Variants in WDR1 observed in about 807,000 individuals in gnomAD.
WDR1 encodes WD repeat-containing protein 1.
Under a neutral mutation model 71.9 loss-of-function variants are expected in WDR1, and 21 were observed. That is an observed-to-expected ratio of 0.29 (90% CI 0.21 to 0.42). WDR1 has a LOEUF of 0.42. Among genes scored for constraint, WDR1 ranks in the 10% least tolerant of loss-of-function variants. The pLI is 1.00. For missense variants in WDR1, 696 were observed against 824.5 expected, an observed-to-expected ratio of 0.84 and a Z score of 1.91; for synonymous variants, 424 against 347.4, an observed-to-expected ratio of 1.22 and a Z score of -2.45.
intron 2 of WDR1, among the ~76,000 whole-genome samples, chr4:10,109,461 G>A (rs1218991500): frequency 6.6e-6 from 1 of 152,180 alleles, no homozygotes; most frequent in East Asian, 1.9e-4. Context: ...AGAGAATAAA[G>A]TCTGCACTGG....
intron 5 of WDR1, chr4:10,093,130 C>G (rs1188731969): frequency 7.8e-7 from 1 of 1,289,346 alleles, no homozygotes. Context: ...GCGCTGCAGG[C>G]CCCAGCTGGC....
At chr4:10,102,399 GA>G (rs931486816) in intron 3 of WDR1, among the ~76,000 whole-genome samples, 3 of 152,234 alleles carry the variant, frequency 2.0e-5, no homozygotes, top group African/African-American at 7.2e-5. Context: ...ATGGAGAGGT[GA>G]TTAGGCCAGG....
At chr4:10,115,882 G>C in intron 2 of WDR1, 1 of 560,334 alleles carries the variant, frequency 1.8e-6, no homozygotes, top group Non-Finnish European at 3.2e-6. Context: ...TATGACCGTA[G>C]ACAGAAACGA....
rs751183314 is a variant in WDR1 at position 10,087,716 on chromosome 4, G to A, written c.942C>T (p.His314=). The change falls in exon 8 of 15, where the codon CAC becomes CAT. Residue 314 remains histidine (H), a synonymous_variant. Transcript: ENST00000499869. Reference sequence around the variant, plus strand: ...CCAGGGCAGGCCTTACCTTGATGACGTGCAGGGGCTTGCTGGGGTTGTTTC... The same window carrying A: ...CCAGGGCAGGCCTTACCTTGATGACATGCAGGGGCTTGCTGGGGTTGTTTC... ...LDRNNPSKPL[H]VIKGHSKSIQ... The A allele has an allele frequency of 1.9e-5, 30 of 1,592,538 alleles. No homozygotes were observed. In the Admixed American group the frequency reaches 1.9e-4, roughly 10 times the overall value.
chr4:10,116,069 G>A (rs1255867151), intron 2 of WDR1, 44 bp downstream of exon 2: 1 of 1,596,812 alleles, frequency 6.3e-7, no homozygotes, highest in African/African-American at 1.3e-5. Context: ...CCCATCCCAA[G>A]GTGGCTCCGG....
chr4:10,109,452 G>A (rs1254711530), intron 2 of WDR1, among the ~76,000 whole-genome samples: 2 of 152,188 alleles, frequency 1.3e-5, no homozygotes, highest in Admixed American at 1.3e-4. Flanking sequence ...CTTTAATACA[G>A]AGAATAAAGT....
rs28380210 is a variant in WDR1, at chr4:10,093,241, G to A, written c.558+4470C>T. 20,778 of 964,910 alleles carry A rather than the reference G, an allele frequency of 0.022. 2,600 individuals carry two copies. In the African/African-American group the frequency reaches 0.29, roughly 14 times the overall value. 59.8% of individuals were successfully genotyped at this position (964,910 alleles called of 1,614,324 possible). On this transcript the variant is annotated intron_variant, in intron 5 of 14. Transcript: ENST00000499869. ...CAGCCTCAGCTGACCCTGTACACAA[G>A]AGGACCACAAGCCCACCCTTAGGCT...
rs771269563 is a variant in WDR1 at position 10,088,735 on chromosome 4, T to A, written c.565A>T (p.Ser189Cys). The A allele has an allele frequency of 7.5e-6, 12 of 1,599,058 alleles. No individual in the cohort carries two copies. In the East Asian group the frequency reaches 2.3e-4, roughly 30 times the overall value. ...AATCGCACACAGTTGACAAAGCGGC[T>A]GTGGTCCTGCAGGAAAACAATTACC... Reference protein sequence around the residue: ...FKFKFTIGDHSRFVNCVRFSP... With the variant: ...FKFKFTIGDHCRFVNCVRFSP... The change falls in exon 6 of 15, where the codon AGC becomes TGC. Residue 189 changes from serine (S) to cysteine (C), a missense_variant. By Grantham distance (112) the Ser-to-Cys change is moderately radical. Transcript: ENST00000499869.
chr4:10,107,858 A>G (rs957951351), intron 2 of WDR1, among the ~76,000 whole-genome samples: 1 of 152,162 alleles, frequency 6.6e-6, no homozygotes, highest in Non-Finnish European at 1.5e-5. Flanking sequence ...CAGCCCTGCC[A>G]ACACAGGGCC....
intron 4 of WDR1, among the ~76,000 whole-genome samples, chr4:10,098,662 C>T (rs979898723): frequency 2.0e-5 from 3 of 152,208 alleles, no homozygotes; most frequent in Non-Finnish European, 4.4e-5. Context: ...CTGTGAGGGA[C>T]CCCGAATAGA....
chr4:10,093,020 C>G (rs559448393), intron 5 of WDR1: 1 of 1,278,494 alleles, frequency 7.8e-7, no homozygotes, highest in African/African-American at 1.5e-5. Flanking sequence ...CTCACTCCCT[C>G]CCACCAATAT....
intron 5 of WDR1, 81 bp downstream of exon 5, chr4:10,097,630 C>T (rs1216497887): frequency 1.4e-6 from 2 of 1,468,140 alleles, no homozygotes; most frequent in East Asian, 2.3e-5. Flanking sequence ...GTGGTCTCTG[C>T]CATCAGCATC....
At chr4:10,103,062 A>T (rs1712776100) in intron 3 of WDR1, among the ~76,000 whole-genome samples, 1 of 152,130 alleles carries the variant, frequency 6.6e-6, no homozygotes. Flanking sequence ...CTAAGTAAAT[A>T]AAAAAACATC....
At chr4:10,113,535 C>G (rs185352706) in intron 2 of WDR1, among the ~76,000 whole-genome samples, 1 of 152,182 alleles carries the variant, frequency 6.6e-6, no homozygotes, top group African/African-American at 2.4e-5. Context: ...CTGGCTTTCA[C>G]CGAGGTGGGA....
chr4:10,102,203 C>G (rs1162056143), intron 3 of WDR1, among the ~76,000 whole-genome samples: 1 of 152,224 alleles, frequency 6.6e-6, no homozygotes, highest in East Asian at 1.9e-4. Flanking sequence ...ATATCCATGC[C>G]TTACTGGCTC....
intron 10 of WDR1, among the ~76,000 whole-genome samples, chr4:10,081,674 G>GA (rs1162299664): frequency 2.5e-5 from 2 of 81,306 alleles, no homozygotes; most frequent in Non-Finnish European, 4.9e-5. Context: ...GGGGGGGGGG[G>GA]AAGGAGGGGC....
chr4:10,108,287 G>A (rs1713142353), intron 2 of WDR1: 1 of 152,234 alleles, frequency 6.6e-6, no homozygotes, highest in East Asian at 1.9e-4. Context: ...TTTACAGGTA[G>A]GCTGTGATGA....
intron 1 of WDR1, 103 bp downstream of exon 1, chr4:10,116,548 C>A (rs574616645): frequency 2.1e-6 from 2 of 939,636 alleles, no homozygotes; most frequent in South Asian, 9.9e-5. Context: ...CACCCCTCCC[C>A]CGCGCCGAGG....
At chr4:10,089,272 C>G (rs1173270635) in intron 5 of WDR1, among the ~76,000 whole-genome samples, 1 of 152,220 alleles carries the variant, frequency 6.6e-6, no homozygotes, top group East Asian at 1.9e-4. Context: ...CCACGCCTGG[C>G]TAATTTCTGT....
Sources: gnomAD v4.1 joint callset for allele counts (sites outside exome capture counted in the v4.1 genomes callset) on GRCh38, gnomAD v4.1.1 for gene constraint, MANE v1.5 for transcripts, NCBI Gene and HGNC (gene_info 2026-07-23, HGNC 2026-07-21) for gene names.